NOTCH2: variants seen among roughly 807,000 people sequenced by gnomAD.
NOTCH2 encodes neurogenic locus notch homolog protein 2.
A neutral mutation model predicts 235.8 loss-of-function variants in NOTCH2; 29 were observed. That is an observed-to-expected ratio of 0.12 (90% CI 0.09 to 0.17). The LOEUF (loss-of-function observed/expected upper bound fraction) is 0.17. NOTCH2 is among the 10% of genes least tolerant of loss of function. The pLI is 1.00. For missense variants in NOTCH2, 2,285 were observed against 3,150.2 expected, an observed-to-expected ratio of 0.73 and a Z score of 6.57; for synonymous variants, 1,086 against 1,141.5, an observed-to-expected ratio of 0.95 and a Z score of 0.98.
intron 25 of NOTCH2, 137 bp downstream of exon 25, chr1:119,925,168 C>T (rs1052103044): frequency 8.5e-5 from 89 of 1,051,228 alleles, no homozygotes; most frequent in Non-Finnish European, 4.0e-5. Flanking sequence ...GGGCAGTGTG[C>T]GATGGGACAA....
chr1:119,945,473 G>T (rs1360288005), intron 17 of NOTCH2, among the ~76,000 whole-genome samples: 1 of 151,944 alleles, frequency 6.6e-6, no homozygotes, highest in African/African-American at 2.4e-5. Flanking sequence ...CCCAATATAC[G>T]CTCTCTACAA....
intron 22 of NOTCH2, 59 bp from the exon 23 acceptor site, chr1:119,929,271 AG>A: frequency 7.3e-7 from 1 of 1,377,902 alleles, no homozygotes; most frequent in Non-Finnish European, 1.0e-6. Context: ...CTTTCCAGCA[AG>A]GGATAACCAC....
At chr1:119,926,674 C>T in intron 23 of NOTCH2, 63 bp from the exon 24 acceptor site, 2 of 1,372,762 alleles carry the variant, frequency 1.5e-6, no homozygotes, top group Non-Finnish European at 2.0e-6. Context: ...AGTTACTCAA[C>T]AAACTTTGCT....
intron 8 of NOTCH2, among the ~76,000 whole-genome samples, chr1:119,966,934 A>G (rs1010574113): frequency 9.2e-5 from 14 of 152,228 alleles, no homozygotes; most frequent in African/African-American, 3.1e-4. Flanking sequence ...AGAGCAGCCA[A>G]TGTTAGCCAT....
intron 3 of NOTCH2, among the ~76,000 whole-genome samples, chr1:119,998,443 C>T (rs372651635): frequency 7.2e-5 from 11 of 152,216 alleles, no homozygotes; most frequent in Admixed American, 2.6e-4. Context: ...ACAGAGGTCT[C>T]GAAGGTATTC....
At chr1:119,947,318 C>G (rs1553197159) in intron 17 of NOTCH2, among the ~76,000 whole-genome samples, 1 of 152,134 alleles carries the variant, frequency 6.6e-6, no homozygotes, top group East Asian at 1.9e-4. Context: ...TCTTTCAACT[C>G]AAGAAGACAA....
chr1:119,943,437 C>T (rs917471911), intron 17 of NOTCH2, among the ~76,000 whole-genome samples: 4 of 152,226 alleles, frequency 2.6e-5, no homozygotes, highest in Admixed American at 2.0e-4. Flanking sequence ...AAAAAAACCA[C>T]GTGGCAGTAA....
At chr1:119,982,422 T>C (rs587651909) in intron 5 of NOTCH2, among the ~76,000 whole-genome samples, 1 of 152,326 alleles carries the variant, frequency 6.6e-6, no homozygotes, top group South Asian at 2.1e-4. Context: ...GAGTTGAGCT[T>C]AGGGTCAACT....
In NOTCH2 at chr1:119,932,009, C is replaced by CAT. The variant is rs201566962; in HGVS notation, c.3656-2799_3656-2798dup. Among the ~76,000 whole-genome samples, 1,414 of 142,998 alleles carry CAT rather than the reference C, an allele frequency of 9.9e-3. 11 individuals are homozygous for CAT. The highest frequency in any genetic ancestry group is 0.04 in the South Asian group (183 of 4,606). The allele number at this position is 142,998 out of a possible 152,430, so 93.8% of individuals were successfully genotyped here. On this transcript the variant is annotated intron_variant, in intron 22 of 33. Coordinates refer to ENST00000256646, the MANE Select transcript of NOTCH2 (RefSeq NM_024408.4). ...GTATATATATATATATGTATATATA[C>CAT]ATATATATATATATAAACAAAGAAA...
At chr1:119,921,584 A>T in intron 29 of NOTCH2, 129 bp downstream of exon 29, 1 of 804,112 alleles carries the variant, frequency 1.2e-6, no homozygotes, top group Non-Finnish European at 2.2e-6. Context: ...TAGGATAGTT[A>T]TTGTCTGGGT....
chr1:119,976,689 T>C (rs1651592462), intron 5 of NOTCH2, among the ~76,000 whole-genome samples: 1 of 152,138 alleles, frequency 6.6e-6, no homozygotes, highest in African/African-American at 2.4e-5. Context: ...ATTTTGCATT[T>C]AGGATAAAAT....
chr1:119,912,288 G>C lies in NOTCH2; in HGVS notation c.*3018C>G, dbSNP rs879916891. 1.3e-5 allele frequency: 3 copies of C among 233,104 alleles called. No homozygotes were observed. The highest frequency in any genetic ancestry group is 2.5e-5 in the Non-Finnish European group (3 of 117,840). The allele number at this position is 233,104 out of a possible 1,614,324, so 14.4% of individuals were successfully genotyped here. A position where few individuals can be genotyped will look rare whatever the true frequency, so the allele number is the denominator to read the frequency against. ...AGTAACCATAGTACCACTTATTAGT[G>C]GGGGCCTCTGGGTACATAAATGTGT... On this transcript the variant is annotated 3_prime_UTR_variant, in exon 34 of 34. Coordinates refer to ENST00000256646, the MANE Select transcript of NOTCH2 (RefSeq NM_024408.4).
intron 4 of NOTCH2, among the ~76,000 whole-genome samples, chr1:119,988,503 C>A (rs1484237320): frequency 1.3e-5 from 2 of 152,058 alleles, no homozygotes; most frequent in African/African-American, 2.4e-5. Context: ...ACTCATATTT[C>A]ATATTATTCA....
At position 120,069,462 on chromosome 1, in the gene NOTCH2, G is replaced by C. The variant is rs1655677342; in HGVS notation, c.-56C>G. On this transcript the variant is annotated 5_prime_UTR_variant, in exon 1 of 34. Coordinates refer to ENST00000256646, the MANE Select transcript of NOTCH2 (RefSeq NM_024408.4). ...CGCCGCCGCCTGGGCAGATCCACAT[G>C]GGGAGGGGGTCCCGATAGAGGAGCC... The C allele has an allele frequency of 6.6e-7, 1 of 1,513,344 alleles. No individual in the cohort carries two copies. Among genetic ancestry groups the C allele is most frequent in the African/African-American group, 1.4e-5 (1 of 70,060 alleles). The allele number at this position is 1,513,344 out of a possible 1,614,324, so 93.7% of individuals were successfully genotyped here.
At position 119,979,219 on chromosome 1, in the gene NOTCH2, A is replaced by C. The variant is rs373525388; in HGVS notation, c.874+7741T>G. Among the ~76,000 whole-genome samples the C allele has an allele frequency of 4.6e-5, 7 of 152,202 alleles. No homozygotes were observed. In the East Asian group the frequency reaches 1.2e-3, roughly 25 times the overall value. Reference sequence around the variant, plus strand: ...AGAGAGCTCTCACAGAACACAAAACAAAAAATGAACAGATTAAAAATCAAG... The same window carrying C: ...AGAGAGCTCTCACAGAACACAAAACCAAAAATGAACAGATTAAAAATCAAG... On this transcript the variant is annotated intron_variant, in intron 5 of 33. Transcript: ENST00000256646.
chr1:119,962,648 C>T (rs1650980586), intron 11 of NOTCH2, among the ~76,000 whole-genome samples: 1 of 152,174 alleles, frequency 6.6e-6, no homozygotes, highest in Non-Finnish European at 1.5e-5. Flanking sequence ...ACCCTCTCCA[C>T]CTCTGCTCTC....
intron 10 of NOTCH2, 74 bp downstream of exon 10, chr1:119,965,379 C>T (rs2101139753): frequency 8.8e-7 from 1 of 1,133,468 alleles, no homozygotes; most frequent in Non-Finnish European, 1.3e-6. Context: ...CAGCAGCTAG[C>T]AGAGGACAGG....
chr1:119,985,812 CA>C (rs1651998704), intron 5 of NOTCH2, among the ~76,000 whole-genome samples: 1 of 152,012 alleles, frequency 6.6e-6, no homozygotes, highest in Non-Finnish European at 1.5e-5. Flanking sequence ...GACAATGTCA[CA>C]AAAAGTACAG....
At chr1:119,979,649 C>T (rs1651734220) in intron 5 of NOTCH2, among the ~76,000 whole-genome samples, 1 of 152,124 alleles carries the variant, frequency 6.6e-6, no homozygotes, top group South Asian at 2.1e-4. Context: ...CATAATTGCA[C>T]TGGTAGTTAA....
Sources: allele counts gnomAD v4.1 joint callset (sites outside exome capture counted in the v4.1 genomes callset), GRCh38; gene constraint gnomAD v4.1.1; transcripts MANE v1.5; gene names NCBI Gene and HGNC (gene_info 2026-07-23, HGNC 2026-07-21).